ANK2: variants seen among roughly 807,000 people sequenced by gnomAD.
ANK2 encodes the protein ankyrin-2.
In ANK2, 83 loss-of-function variants were observed where a neutral mutation model predicts 360.5. The observed-to-expected ratio is 0.23, with a 90% CI of 0.19 to 0.28. ANK2 has a LOEUF of 0.28. Among genes scored for constraint, ANK2 ranks in the 10% least tolerant of loss-of-function variants. ANK2 has a pLI of 1.00. For missense variants in ANK2, 4,201 were observed against 4,795.7 expected, an observed-to-expected ratio of 0.88 and a Z score of 3.66; for synonymous variants, 1,740 against 1,759.5, an observed-to-expected ratio of 0.99 and a Z score of 0.28.
At chr4:112,894,899 A>T in intron 1 of ANK2, among the ~76,000 whole-genome samples, 1 of 152,216 alleles carries the variant, frequency 6.6e-6, no homozygotes, top group Non-Finnish European at 1.5e-5. Flanking sequence ...TTTGATGTAC[A>T]GTATTTCTTT....
Position 113,357,845 on chromosome 4 carries a change from AG to A in ANK2, c.9230del (p.Gly3077ValfsTer35), listed in dbSNP as rs1215190068. 1 of 1,613,982 alleles carries A rather than the reference AG, an allele frequency of 6.2e-7. No individual in the cohort carries two copies. Among genetic ancestry groups the A allele is most frequent in the Non-Finnish European group, 8.5e-7 (1 of 1,179,910 alleles). On this transcript the variant is annotated frameshift_variant, in exon 38 of 46. Transcript: ENST00000357077. LOFTEE classifies it high-confidence loss of function. ...GGTTTGATGGTAGACAGACAATCACAGGGTACCACCCCTGACACCACTCCTG... is the reference window on the plus strand; with the variant it reads ...GGTTTGATGGTAGACAGACAATCACAGGTACCACCCCTGACACCACTCCTG... Reference protein sequence around the residue: ...IFGLMVDRQSQGTTPDTTPAR... With the variant: ...IFGLMVDRQSXGTTPDTTPAR...
In ANK2 at chr4:113,097,875, TGCAC is replaced by T. The variant is rs759448495; in HGVS notation, c.84+48064_84+48067del. 4.6e-5 allele frequency among the ~76,000 whole-genome samples: 5 copies of T among 109,210 alleles called. No homozygotes were observed. The South Asian group carries it at 1.2e-3, about 26-fold the overall frequency. 71.6% of individuals were successfully genotyped at this position (109,210 alleles called of 152,430 possible). ...GTGTGTGTGTGTGTGTGTATATATATGCACACACACACACACGCACACACACATA... is the reference window on the plus strand; with the variant it reads ...GTGTGTGTGTGTGTGTGTATATATATACACACACACACGCACACACACATA... On this transcript the variant is annotated intron_variant, in intron 1 of 45. Coordinates refer to ENST00000357077, the MANE Select transcript of ANK2 (RefSeq NM_001148.6).
chr4:113,192,261 T>C (rs1449436607), intron 2 of ANK2, among the ~76,000 whole-genome samples: 1 of 152,206 alleles, frequency 6.6e-6, no homozygotes, highest in Non-Finnish European at 1.5e-5. Flanking sequence ...TTATTTGATC[T>C]AAAAGGACAT....
chr4:113,329,279 C>T (rs146624873), intron 26 of ANK2, among the ~76,000 whole-genome samples: 14 of 152,260 alleles, frequency 9.2e-5, no homozygotes, highest in Admixed American at 9.2e-4. Flanking sequence ...TCAGGATCTG[C>T]TAAGACCATC....
rs1214922182 is a variant in ANK2 at position 113,075,266 on chromosome 4, G to T, written c.84+25454G>T. On this transcript the variant is annotated intron_variant, in intron 1 of 45. Transcript: ENST00000357077. ...TGTGAACGATGAATAGTGTTGATAT[G>T]CAATAATCTTTTCTTTCAATCATAT... Among the ~76,000 whole-genome samples, 5 of 152,266 alleles carry T rather than the reference G, an allele frequency of 3.3e-5. No individual in the cohort carries two copies. In the East Asian group the frequency reaches 9.6e-4, roughly 29 times the overall value.
At chr4:113,052,851 G>T (rs978356538) in intron 1 of ANK2, among the ~76,000 whole-genome samples, 2 of 152,146 alleles carry the variant, frequency 1.3e-5, no homozygotes, top group African/African-American at 4.8e-5. Context: ...TTGAAAGAGG[G>T]TTCAAGAGAC....
In ANK2 at chr4:112,878,175, T is replaced by TATCTATCTATCTATCTATCTATCTATC. The variant is rs1384464625; in HGVS notation, c.-39-26272_-39-26271insATCTATCTATCTATCTATCATCTATCT. Among the ~76,000 whole-genome samples the TATCTATCTATCTATCTATCTATCTATC allele has an allele frequency of 4.7e-3, 709 of 152,152 alleles. 5 individuals carry two copies. Among genetic ancestry groups the TATCTATCTATCTATCTATCTATCTATC allele is most frequent in the African/African-American group, 0.01 (422 of 41,470 alleles). On this transcript the variant is annotated intron_variant, in intron 1 of 30. Coordinates refer to the ANK2 transcript ENST00000503271. ...AGACTCATCTATCTATCTATCTATC[T>TATCTATCTATCTATCTATCTATCTATC]ATCTATCTCCTTTTGCCTCTGAGAA...
chr4:113,023,110 A>G (rs1176213955), intron 2 of ANK2, among the ~76,000 whole-genome samples: 1 of 152,198 alleles, frequency 6.6e-6, no homozygotes, highest in South Asian at 2.1e-4. Flanking sequence ...CGTCCTGCAC[A>G]TGTATCCTGG....
intron 1 of ANK2, among the ~76,000 whole-genome samples, chr4:113,056,773 G>A (rs1361722070): frequency 6.6e-6 from 1 of 152,134 alleles, no homozygotes; most frequent in Non-Finnish European, 1.5e-5. Context: ...GCTGCAGGGA[G>A]AAGGGAAAAT....
chr4:112,898,568 G>A (rs996878608), intron 1 of ANK2, among the ~76,000 whole-genome samples: 2 of 152,086 alleles, frequency 1.3e-5, no homozygotes, highest in Non-Finnish European at 2.9e-5. Context: ...CTGGTCACTT[G>A]GCTGACAGTG....
At chr4:113,282,580 T>A in intron 17 of ANK2, 95 bp from the exon 18 acceptor site, 3 of 1,207,928 alleles carry the variant, frequency 2.5e-6, no homozygotes, top group Non-Finnish European at 3.6e-6. Context: ...TTAACTCTTC[T>A]ATTGATTAGA....
At chr4:113,269,110 C>A (rs7675622) in intron 14 of ANK2, among the ~76,000 whole-genome samples, 2 of 151,900 alleles carry the variant, frequency 1.3e-5, no homozygotes, top group East Asian at 1.9e-4. Flanking sequence ...TCTGTAATGG[C>A]GGACGCCCCT....
chr4:112,747,078 C>A, the ANK2 span, among the ~76,000 whole-genome samples: 1 of 152,192 alleles, frequency 6.6e-6, no homozygotes, highest in African/African-American at 2.4e-5. Context: ...AAGGGAGCAA[C>A]ACCAACCTTA....
chr4:112,845,543 A>G lies in ANK2; in HGVS notation c.-40+27279A>G, dbSNP rs542254526. ...CCTAAGAGGAAGGTGTGAGAATAGA[A>G]ACCAATTAATTAAGGGCAGGTACGT... On this transcript the variant is annotated intron_variant, in intron 1 of 30. Transcript: ENST00000503271. 1.4e-4 allele frequency among the ~76,000 whole-genome samples: 22 copies of G among 152,318 alleles called. No individual in the cohort carries two copies. In the East Asian group the frequency reaches 4.2e-3, roughly 29 times the overall value.
Position 113,381,614 on chromosome 4 carries a change from G to A in ANK2, c.*143G>A, listed in dbSNP as rs1589507889. 1 of 1,564,436 alleles carries A rather than the reference G, an allele frequency of 6.4e-7. No individual in the cohort carries two copies. Among genetic ancestry groups the A allele is most frequent in the East Asian group, 2.4e-5 (1 of 42,132 alleles). Reference sequence around the variant, plus strand: ...GCAGCTCCTTCGGCATTTCTGCAAGGAGGACTTGAAGCAAGAGGCCAAGTG... The same window carrying A: ...GCAGCTCCTTCGGCATTTCTGCAAGAAGGACTTGAAGCAAGAGGCCAAGTG... On this transcript the variant is annotated 3_prime_UTR_variant, in exon 46 of 46. Coordinates refer to ENST00000357077, the MANE Select transcript of ANK2 (RefSeq NM_001148.6).
intron 2 of ANK2, among the ~76,000 whole-genome samples, chr4:112,975,999 T>C (rs1394086677): frequency 6.6e-6 from 1 of 152,204 alleles, no homozygotes; most frequent in African/African-American, 2.4e-5. Context: ...AATTGGTATT[T>C]TTTTCAATTT....
At chr4:112,846,518 TTCC>T (rs2063345281) in intron 1 of ANK2, among the ~76,000 whole-genome samples, 1 of 152,100 alleles carries the variant, frequency 6.6e-6, no homozygotes, top group Admixed American at 6.5e-5. Context: ...CCATCTTAGT[TTCC>T]TTCTGCCCCA....
chr4:113,354,452 C>A lies in ANK2; in HGVS notation c.5834C>A (p.Thr1945Lys), dbSNP rs762027070. The A allele has an allele frequency of 6.2e-7, 1 of 1,614,120 alleles. No homozygotes were observed. The highest frequency in any genetic ancestry group is 8.5e-7 in the Non-Finnish European group (1 of 1,179,996). ...TTGCCTGTTTCACCCTCCGGAAGAA[C>A]GGACAAGCACCAACCTGTATCAACA... ...KRLPVSPSGR[T>K]DKHQPVSTAG... Residue 1945 changes from threonine (T) to lysine (K), a missense_variant, in exon 38 of 46, where the codon ACG becomes AAG. Around this residue, in one of 4 missense-constraint regions of ANK2, gnomAD observed 2,642 missense variants for 2,714.5 expected, o/e 0.97. Transcript: ENST00000357077.
At chr4:113,249,226 T>G (rs1327717433) in intron 9 of ANK2, among the ~76,000 whole-genome samples, 1 of 152,214 alleles carries the variant, frequency 6.6e-6, no homozygotes, top group African/African-American at 2.4e-5. Context: ...AAATGATGCT[T>G]CACTTTTGCA....
Sources: allele counts gnomAD v4.1 joint callset (sites outside exome capture counted in the v4.1 genomes callset), GRCh38; gene constraint gnomAD v4.1.1; regional missense constraint gnomAD v4.1.1; transcripts MANE v1.5; gene names NCBI Gene and HGNC (gene_info 2026-07-23, HGNC 2026-07-21).